The following PPP2R5A variants were observed in gnomAD, a reference collection of about 807,000 sequenced individuals.
PPP2R5A encodes serine/threonine-protein phosphatase 2A 56 kDa regulatory subunit alpha isoform.
Under a neutral mutation model 64.2 loss-of-function variants are expected in PPP2R5A, and 25 were observed. That is an observed-to-expected ratio of 0.39 (90% CI 0.28 to 0.54). The LOEUF (loss-of-function observed/expected upper bound fraction) is 0.54, where lower values mean the gene tolerates loss of function less well. Among genes scored for constraint, PPP2R5A ranks in the 20% least tolerant of loss-of-function variants. PPP2R5A has a pLI of 0.67. For missense variants in PPP2R5A, 425 were observed against 576.3 expected (o/e 0.74, Z 2.69); for synonymous variants, 198 against 201.2 (o/e 0.98, Z 0.13).
At chr1:212,299,026 C>G (rs1658748338) in intron 1 of PPP2R5A, among the ~76,000 whole-genome samples, 1 of 22,854 alleles carries the variant, frequency 4.4e-5, no homozygotes, top group Non-Finnish European at 7.6e-5. Flanking sequence ...CCTCACCTCC[C>G]GGCCGGGGCG....
intron 8 of PPP2R5A, among the ~76,000 whole-genome samples, chr1:212,354,984 T>A (rs1385757271): frequency 6.6e-6 from 1 of 152,208 alleles, no homozygotes; most frequent in African/African-American, 2.4e-5. Context: ...CCTGTGACAT[T>A]TAAATGATGA....
rs187888380 is a variant in PPP2R5A at position 212,299,894 on chromosome 1, C to T, written c.181+13603C>T. ...GTGGTATGATCTCTGCTCACTGCAA[C>T]CTCCACATCATGGGTTCAAGCAGTT... On this transcript the variant is annotated intron_variant, in intron 1 of 12. Coordinates refer to ENST00000261461, the MANE Select transcript of PPP2R5A (RefSeq NM_006243.4). Among the ~76,000 whole-genome samples, 19 of 151,788 alleles carry T rather than the reference C, an allele frequency of 1.3e-4. No individual in the cohort carries two copies. In the East Asian group the frequency reaches 3.3e-3, roughly 26 times the overall value.
intron 1 of PPP2R5A, among the ~76,000 whole-genome samples, chr1:212,305,344 T>C (rs192102279): frequency 1.3e-5 from 2 of 152,128 alleles, no homozygotes; most frequent in East Asian, 3.9e-4. Context: ...TTTTTTAATG[T>C]TACTGATTTC....
intron 1 of PPP2R5A, among the ~76,000 whole-genome samples, chr1:212,288,671 T>C (rs535101251): frequency 6.6e-6 from 1 of 152,358 alleles, no homozygotes; most frequent in Non-Finnish European, 1.5e-5. Flanking sequence ...TTTGGCAGTG[T>C]ACTTGATACC....
chr1:212,303,087 C>G (rs1212815107), intron 1 of PPP2R5A, among the ~76,000 whole-genome samples: 2 of 151,994 alleles, frequency 1.3e-5, no homozygotes, highest in Non-Finnish European at 2.9e-5. Flanking sequence ...CATATGTTTT[C>G]ATTTCTCTTG....
chr1:212,315,167 T>C (rs1029463245), intron 1 of PPP2R5A, among the ~76,000 whole-genome samples: 5 of 152,220 alleles, frequency 3.3e-5, no homozygotes, highest in Non-Finnish European at 7.3e-5. Context: ...ATATGGGGAA[T>C]AGTTTCTCAT....
intron 1 of PPP2R5A, among the ~76,000 whole-genome samples, chr1:212,327,916 G>A (rs944107093): frequency 6.6e-6 from 1 of 152,218 alleles, no homozygotes; most frequent in Non-Finnish European, 1.5e-5. Flanking sequence ...CTGGGTTCAA[G>A]CAATTCTCTT....
intron 1 of PPP2R5A, among the ~76,000 whole-genome samples, chr1:212,325,754 A>G (rs1659397721): frequency 6.6e-6 from 1 of 152,136 alleles, no homozygotes; most frequent in Non-Finnish European, 1.5e-5. Context: ...AACTGAGAGA[A>G]CTATGGGGAT....
chr1:212,299,866 A>G (rs351390), intron 1 of PPP2R5A, among the ~76,000 whole-genome samples: 102,397 of 150,868 alleles, frequency 0.68, 36,482 homozygotes, highest in African/African-American at 0.91. Context: ...AGGCTGGAGT[A>G]CAGTGGTATG....
At chr1:212,307,349 G>T (rs948004471) in intron 1 of PPP2R5A, among the ~76,000 whole-genome samples, 1 of 150,846 alleles carries the variant, frequency 6.6e-6, no homozygotes, top group Non-Finnish European at 1.5e-5. Context: ...CTTTGTTCTA[G>T]TGAGATGTAG....
At chr1:212,316,587 C>CTTTTTTTTTT (rs751228809) in intron 1 of PPP2R5A, among the ~76,000 whole-genome samples, 1,882 of 36,574 alleles carry the variant, frequency 0.051, 275 homozygotes, top group Non-Finnish European at 0.076. Flanking sequence ...TTGTGGGTGA[C>CTTTTTTTTTT]TTTTTTTTTT....
chr1:212,319,140 C>A (rs1659212347), intron 1 of PPP2R5A, among the ~76,000 whole-genome samples: 2 of 152,124 alleles, frequency 1.3e-5, no homozygotes, highest in Admixed American at 1.3e-4. Flanking sequence ...AAAATTGCCC[C>A]AACAAAAACT....
intron 1 of PPP2R5A, among the ~76,000 whole-genome samples, chr1:212,307,636 A>C (rs1658945372): frequency 6.6e-6 from 1 of 152,210 alleles, no homozygotes; most frequent in African/African-American, 2.4e-5. Flanking sequence ...GAGAAGAAAG[A>C]AAAATAGGCA....
chr1:212,345,730 T>G, intron 4 of PPP2R5A, 73 bp from the exon 5 acceptor site: 4 of 1,498,564 alleles, frequency 2.7e-6, no homozygotes, highest in Non-Finnish European at 3.6e-6. Flanking sequence ...ATGGATAATC[T>G]TTAAGATCAA....
chr1:212,356,317 T>G (rs1313982676), intron 8 of PPP2R5A, among the ~76,000 whole-genome samples: 1 of 152,210 alleles, frequency 6.6e-6, no homozygotes, highest in Non-Finnish European at 1.5e-5. Context: ...ATTTATGTGT[T>G]TAATTGATCA....
intron 8 of PPP2R5A, among the ~76,000 whole-genome samples, chr1:212,350,117 T>C (rs190585046): frequency 1.6e-4 from 25 of 152,348 alleles, no homozygotes; most frequent in Admixed American, 1.4e-3. Context: ...TATGTATTTT[T>C]ACTATATTAT....
chr1:212,317,249 G>A (rs1659173110), intron 1 of PPP2R5A, among the ~76,000 whole-genome samples: 1 of 151,890 alleles, frequency 6.6e-6, no homozygotes, highest in Non-Finnish European at 1.5e-5. Flanking sequence ...TTTTTTGGTG[G>A]GGGGTCTACT....
intron 1 of PPP2R5A, among the ~76,000 whole-genome samples, chr1:212,306,262 GGAATGT>G (rs1172135947): frequency 2.0e-5 from 3 of 152,108 alleles, no homozygotes; most frequent in African/African-American, 7.2e-5. Flanking sequence ...AATAAGGAAA[GGAATGT>G]GAGCTGGTAC....
At chr1:212,321,182 A>G (rs545431264) in intron 1 of PPP2R5A, among the ~76,000 whole-genome samples, 16,762 of 122,958 alleles carry the variant, frequency 0.14, 3,141 homozygotes, top group African/African-American at 0.43. Context: ...GCGGCTGGCC[A>G]GGCGGGGGGC....
Sources: allele counts gnomAD v4.1 joint callset (sites outside exome capture counted in the v4.1 genomes callset), GRCh38; gene constraint gnomAD v4.1.1; transcripts MANE v1.5; gene names NCBI Gene and HGNC (gene_info 2026-07-23, HGNC 2026-07-21).